The following EHBP1 variants were observed in gnomAD, a reference collection of about 807,000 sequenced individuals.
EHBP1 encodes EH domain-binding protein 1.
EHBP1 carries 55 observed loss-of-function variants against 144.0 expected under a neutral mutation model. The ratio of observed to expected loss-of-function variants is 0.38; its 90% CI spans 0.31 to 0.48. The LOEUF (loss-of-function observed/expected upper bound fraction) is 0.48, where lower values mean the gene tolerates loss of function less well. Ranked by LOEUF, EHBP1 falls within the 20% of genes least tolerant of loss-of-function variation. The probability of loss-of-function intolerance (pLI) is 0.98; values close to 1 mark genes in which losing one functional copy is unlikely to be tolerated. For synonymous variants in EHBP1, 469 were observed against 472.7 expected (o/e 0.99, Z 0.10); for missense variants, 1,200 against 1,364.2 (o/e 0.88, Z 1.90).
chr2:62,825,993 A>G, intron 5 of EHBP1, 94 bp from the exon 6 acceptor site: 2 of 919,906 alleles, frequency 2.2e-6, no homozygotes, highest in African/African-American at 1.7e-5. Flanking sequence ...GAAGTTTTCA[A>G]TTATTATTTG....
At chr2:62,754,626 GCGGTGGGCTCCACC>G (rs1233799982) in intron 3 of EHBP1, among the ~76,000 whole-genome samples, 13 of 152,222 alleles carry the variant, frequency 8.5e-5, no homozygotes, top group Non-Finnish European at 1.8e-4. Context: ...TCCTTGAGCT[GCGGTGGGCTCCACC>G]CAGTTCGAGC....
chr2:62,950,143 T>TC (rs557782655), intron 13 of EHBP1, among the ~76,000 whole-genome samples: 4 of 152,088 alleles, frequency 2.6e-5, no homozygotes, highest in Non-Finnish European at 4.4e-5. Context: ...TTTTTTTTTT[T>TC]CTGCACAGTT....
intron 15 of EHBP1, among the ~76,000 whole-genome samples, chr2:62,985,451 ACTG>A (rs2059148857): frequency 6.6e-6 from 1 of 152,296 alleles, no homozygotes; most frequent in South Asian, 2.1e-4. Flanking sequence ...TCCGTTGAAA[ACTG>A]CTTATGGAGA....
At chr2:63,036,374 CAAG>C (rs1185862988) in intron 19 of EHBP1, among the ~76,000 whole-genome samples, 1 of 151,818 alleles carries the variant, frequency 6.6e-6, no homozygotes, top group Non-Finnish European at 1.5e-5. Flanking sequence ...AATGTGGTCT[CAAG>C]GAGATATGTT....
chr2:62,912,414 T>C (rs1255684909), intron 10 of EHBP1, among the ~76,000 whole-genome samples: 2 of 152,036 alleles, frequency 1.3e-5, no homozygotes, highest in African/African-American at 2.4e-5. Context: ...TAGCCAGGCA[T>C]GGTAGTGCAT....
At chr2:62,723,431 A>G (rs972215672) in intron 2 of EHBP1, among the ~76,000 whole-genome samples, 2 of 152,060 alleles carry the variant, frequency 1.3e-5, no homozygotes, top group African/African-American at 4.8e-5. Context: ...TTGGTTCTTT[A>G]TGCAGCTTTC....
chr2:62,751,289 T>C (rs1437077708), intron 3 of EHBP1, among the ~76,000 whole-genome samples: 1 of 152,240 alleles, frequency 6.6e-6, no homozygotes, highest in African/African-American at 2.4e-5. Flanking sequence ...ATTACATTTA[T>C]TGATTTTCGT....
At chr2:62,976,341 C>T (rs975988029) in intron 14 of EHBP1, among the ~76,000 whole-genome samples, 1 of 152,160 alleles carries the variant, frequency 6.6e-6, no homozygotes, top group Non-Finnish European at 1.5e-5. Flanking sequence ...AAAAAATTGC[C>T]TGGGCTTGAG....
intron 7 of EHBP1, among the ~76,000 whole-genome samples, chr2:62,852,330 A>T (rs567349746): frequency 6.6e-6 from 1 of 152,224 alleles, no homozygotes; most frequent in East Asian, 1.9e-4. Context: ...TGTGGATAAT[A>T]ATACTTCTTT....
At chr2:62,819,985 C>T (rs1262146937) in intron 5 of EHBP1, among the ~76,000 whole-genome samples, 1 of 151,612 alleles carries the variant, frequency 6.6e-6, no homozygotes, top group Non-Finnish European at 1.5e-5. Context: ...CCGAAGCGGG[C>T]AGATCACCTG....
chr2:62,794,027 CTTTG>C (rs2043357731), intron 5 of EHBP1, among the ~76,000 whole-genome samples: 1 of 152,070 alleles, frequency 6.6e-6, no homozygotes, highest in African/African-American at 2.4e-5. Flanking sequence ...AATTTCCATC[CTTTG>C]TTTAACTCTT....
At chr2:62,721,522 A>G (rs952042599) in intron 2 of EHBP1, among the ~76,000 whole-genome samples, 3 of 152,218 alleles carry the variant, frequency 2.0e-5, no homozygotes. Context: ...AAAGAATTTG[A>G]ACATATGTTA....
At chr2:62,736,998 A>G (rs932940533) in intron 2 of EHBP1, among the ~76,000 whole-genome samples, 5 of 152,206 alleles carry the variant, frequency 3.3e-5, no homozygotes, top group African/African-American at 9.6e-5. Flanking sequence ...GGAACATTCT[A>G]TAGTCCTATG....
intron 10 of EHBP1, among the ~76,000 whole-genome samples, chr2:62,941,230 T>G (rs2056738933): frequency 6.6e-6 from 1 of 152,182 alleles, no homozygotes; most frequent in African/African-American, 2.4e-5. Flanking sequence ...CTAGAGGGAT[T>G]TGAAGGTCAC....
intron 10 of EHBP1, among the ~76,000 whole-genome samples, chr2:62,904,131 G>A (rs1161414109): frequency 2.6e-5 from 4 of 152,160 alleles, no homozygotes; most frequent in Non-Finnish European, 4.4e-5. Context: ...AAGAAACTGT[G>A]GTATATGGAA....
At chr2:62,786,072 T>C (rs1277022772) in intron 5 of EHBP1, among the ~76,000 whole-genome samples, 1 of 152,220 alleles carries the variant, frequency 6.6e-6, no homozygotes, top group African/African-American at 2.4e-5. Context: ...TGGAACTTGA[T>C]AATTTTCTGC....
upstream of EHBP1, among the ~76,000 whole-genome samples, chr2:62,701,530 T>G (rs538673354): frequency 1.3e-5 from 2 of 152,292 alleles, no homozygotes; most frequent in South Asian, 4.1e-4. Context: ...AATAAAAAAT[T>G]TTTTGTTTTT....
intron 15 of EHBP1, among the ~76,000 whole-genome samples, chr2:62,988,543 A>G (rs1042822553): frequency 7.2e-5 from 11 of 152,180 alleles, no homozygotes; most frequent in Admixed American, 2.6e-4. Context: ...ACACTTTGAA[A>G]ACTATATAGA....
At chr2:63,036,043 A>G (rs2061429687) in intron 19 of EHBP1, among the ~76,000 whole-genome samples, 1 of 152,072 alleles carries the variant, frequency 6.6e-6, no homozygotes, top group Admixed American at 6.6e-5. Context: ...TATATTCTCA[A>G]CTATTCTCCC....
Sources: gnomAD v4.1 joint callset for allele counts (sites outside exome capture counted in the v4.1 genomes callset) on GRCh38, gnomAD v4.1.1 for gene constraint, MANE v1.5 for transcripts, NCBI Gene and HGNC (gene_info 2026-07-23, HGNC 2026-07-21) for gene names.